Variants in RIMBP2 observed in about 807,000 individuals in gnomAD.
RIMBP2 encodes the protein RIMS-binding protein 2.
Under a neutral mutation model 118.6 loss-of-function variants are expected in RIMBP2, and 48 were observed. The observed-to-expected ratio is 0.40, with a 90% confidence interval of 0.32 to 0.51. The LOEUF (loss-of-function observed/expected upper bound fraction) is 0.51. Ranked by LOEUF, RIMBP2 falls within the 20% of genes least tolerant of loss-of-function variation. The pLI is 0.41. For synonymous variants in RIMBP2, 762 were observed against 742.9 expected (o/e 1.03, Z -0.42); for missense variants, 1,551 against 1,768.3 (o/e 0.88, Z 2.20).
rs770388646 is a variant in RIMBP2, at chr12:130,710,287, C to T, written c.-352+5935G>A. On this transcript the variant is annotated intron_variant, in intron 1 of 22. Transcript: ENST00000690449. This position sits in a 1 kb window ranked among gnomAD's most constrained non-coding sequence, Gnocchi z 4.3. ...TCCTGTCTCAGCTTCAACGCCACCTCCTCCCTGAGACCCTCCCAGATCATC... is the reference window on the plus strand; with the variant it reads ...TCCTGTCTCAGCTTCAACGCCACCTTCTCCCTGAGACCCTCCCAGATCATC... Among the ~76,000 whole-genome samples the T allele has an allele frequency of 6.6e-6, 1 of 152,170 alleles. No homozygotes were observed. Among genetic ancestry groups the T allele is most frequent in the Non-Finnish European group, 1.5e-5 (1 of 68,036 alleles).
chr12:130,603,527 A>G (rs2140458359), intron 2 of RIMBP2, among the ~76,000 whole-genome samples: 1 of 152,360 alleles, frequency 6.6e-6, no homozygotes, highest in East Asian at 1.9e-4. Context: ...GCCCAGTATG[A>G]TATTTATGAA....
At chr12:130,481,950 C>A (rs190640533) in intron 4 of RIMBP2, among the ~76,000 whole-genome samples, 3 of 129,636 alleles carry the variant, frequency 2.3e-5, no homozygotes, top group Non-Finnish European at 3.5e-5. Flanking sequence ...ACCACCACCA[C>A]CCACCGCCCA....
intron 1 of RIMBP2, among the ~76,000 whole-genome samples, chr12:130,639,232 T>C (rs1371275690): frequency 6.6e-6 from 1 of 151,338 alleles, no homozygotes. Context: ...CTACTAAAAA[T>C]ACAAAAATTA....
intron 2 of RIMBP2, among the ~76,000 whole-genome samples, chr12:130,533,836 G>A (rs2053731682): frequency 6.6e-6 from 1 of 152,156 alleles, no homozygotes; most frequent in Non-Finnish European, 1.5e-5. Context: ...TCAGTCACAA[G>A]TAGGAGCTAA....
chr12:130,589,434 GCAAA>G (rs1255608809), intron 2 of RIMBP2, among the ~76,000 whole-genome samples: 1 of 152,208 alleles, frequency 6.6e-6, no homozygotes, highest in African/African-American at 2.4e-5. Flanking sequence ...TTTCTTCTCT[GCAAA>G]CAAAGCTCCT....
chr12:130,699,233 T>C (rs1048840107), intron 1 of RIMBP2, among the ~76,000 whole-genome samples: 2 of 152,190 alleles, frequency 1.3e-5, no homozygotes, highest in African/African-American at 4.8e-5. Flanking sequence ...ACTGGTTATA[T>C]ACCCAAAGGA....
intron 3 of RIMBP2, among the ~76,000 whole-genome samples, chr12:130,516,661 C>G (rs1566180876): frequency 6.6e-6 from 1 of 152,174 alleles, no homozygotes; most frequent in Non-Finnish European, 1.5e-5. Flanking sequence ...GTGGAGTGTT[C>G]TAAGCAGAGA....
intron 2 of RIMBP2, among the ~76,000 whole-genome samples, chr12:130,599,589 A>G (rs75126171): frequency 0.016 from 2,439 of 152,332 alleles, 63 homozygotes; most frequent in African/African-American, 0.055. Context: ...TAAACTAACC[A>G]GAATTAAAAA....
intron 6 of RIMBP2, among the ~76,000 whole-genome samples, chr12:130,458,303 T>C (rs539998499): frequency 6.6e-6 from 1 of 152,310 alleles, no homozygotes; most frequent in Admixed American, 6.5e-5. Context: ...CCAAGCCGGC[T>C]GTGTCTACCA....
In RIMBP2 at chr12:130,469,403, C is replaced by T. The variant is rs1488056863; in HGVS notation, c.153+1290G>A. Among the ~76,000 whole-genome samples, 3 of 152,092 alleles carry T rather than the reference C, an allele frequency of 2.0e-5. No individual in the cohort carries two copies. The highest frequency in any genetic ancestry group is 2.1e-4 in the South Asian group (1 of 4,818). On this transcript the variant is annotated intron_variant, in intron 6 of 22. Transcript: ENST00000690449. This position sits in a 1 kb window ranked among gnomAD's most constrained non-coding sequence, Gnocchi z 4.8. ...CACACAGGGTCATGTCAATGGGCTC[C>T]GGGGCAACTGGGGAGAGGCAACTAC...
At chr12:130,695,750 AT>A (rs1414940881) in intron 1 of RIMBP2, among the ~76,000 whole-genome samples, 12 of 152,092 alleles carry the variant, frequency 7.9e-5, no homozygotes, top group Admixed American at 2.0e-4. Flanking sequence ...AGAGGCTAGG[AT>A]GGCTGTCTAG....
In RIMBP2 at chr12:130,515,492, T is replaced by C. The variant is rs577760522; in HGVS notation, c.-127+2336A>G. 2.6e-5 allele frequency among the ~76,000 whole-genome samples: 4 copies of C among 152,280 alleles called. No individual in the cohort carries two copies. The South Asian group carries it at 8.3e-4, about 32-fold the overall frequency. ...GTGTTTGCCCTTTGGGACTGGCTTATTCACTTAGCAAAATGTCCCCAAGGT... is the reference window on the plus strand; with the variant it reads ...GTGTTTGCCCTTTGGGACTGGCTTACTCACTTAGCAAAATGTCCCCAAGGT... On this transcript the variant is annotated intron_variant, in intron 3 of 22. Coordinates refer to ENST00000690449, the MANE Select transcript of RIMBP2 (RefSeq NM_001393629.1).
intron 1 of RIMBP2, among the ~76,000 whole-genome samples, chr12:130,697,648 C>T (rs1029659071): frequency 5.3e-5 from 8 of 152,130 alleles, no homozygotes; most frequent in South Asian, 4.1e-4. Context: ...TGCCATCAAC[C>T]TTCATCAAGA....
intron 11 of RIMBP2, among the ~76,000 whole-genome samples, chr12:130,440,223 C>T (rs957982278): frequency 5.5e-5 from 8 of 145,400 alleles, no homozygotes; most frequent in Admixed American, 2.7e-4. Flanking sequence ...CCACCGTCCC[C>T]GGGCATGGCT....
At position 130,703,850 on chromosome 12, in the gene RIMBP2, G is replaced by A. The variant is rs1375073364; in HGVS notation, c.-352+12372C>T. ...GAGAGAGAGATCGATCTAGAAGCAC[G>A]GAGGGAACCCTGAGCCTGAGCCTGA... On this transcript the variant is annotated intron_variant, in intron 1 of 22. Coordinates refer to ENST00000690449, the MANE Select transcript of RIMBP2 (RefSeq NM_001393629.1). This position sits in a 1 kb window ranked among gnomAD's most constrained non-coding sequence, Gnocchi z 5.7. Among the ~76,000 whole-genome samples, 7 of 152,014 alleles carry A rather than the reference G, an allele frequency of 4.6e-5. No homozygotes were observed. Among genetic ancestry groups the A allele is most frequent in the Admixed American group, 6.6e-5 (1 of 15,252 alleles).
intron 1 of RIMBP2, among the ~76,000 whole-genome samples, chr12:130,707,179 G>A (rs1475541836): frequency 6.6e-6 from 1 of 152,114 alleles, no homozygotes; most frequent in African/African-American, 2.4e-5. Flanking sequence ...TGGGGTCACA[G>A]AACAACCCGG....
intron 10 of RIMBP2, among the ~76,000 whole-genome samples, chr12:130,444,034 C>G (rs1812390468): frequency 6.6e-6 from 1 of 152,150 alleles, no homozygotes; most frequent in Non-Finnish European, 1.5e-5. Context: ...AGTTTTGATC[C>G]CTGCCTGCAA....
chr12:130,671,564 A>G (rs2064197587), intron 1 of RIMBP2, among the ~76,000 whole-genome samples: 1 of 152,108 alleles, frequency 6.6e-6, no homozygotes, highest in Non-Finnish European at 1.5e-5. Context: ...TCCCCACCCC[A>G]AAGATTTGTT....
chr12:130,471,285 C>T (rs573721365), intron 5 of RIMBP2, among the ~76,000 whole-genome samples: 44 of 152,360 alleles, frequency 2.9e-4, no homozygotes, highest in Non-Finnish European at 5.1e-4. Context: ...AGAAATGTCT[C>T]GGGATGGCTG....
Sources: allele counts gnomAD v4.1 joint callset (sites outside exome capture counted in the v4.1 genomes callset), GRCh38; gene constraint gnomAD v4.1.1; non-coding constraint Gnocchi (gnomAD v3.1); transcripts MANE v1.5; gene names NCBI Gene and HGNC (gene_info 2026-07-23, HGNC 2026-07-21).